ARL13B: variants seen among roughly 807,000 people sequenced by gnomAD.
ARL13B encodes ARF like GTPase 13B.
Under a neutral mutation model 56.1 loss-of-function variants are expected in ARL13B, and 36 were observed. That is an observed-to-expected ratio of 0.64 (90% CI 0.49 to 0.85). ARL13B has a LOEUF of 0.85. Ranked by LOEUF, ARL13B falls within the 40% of genes least tolerant of loss-of-function variation. ARL13B has a pLI of 0.00. For missense variants in ARL13B, 519 were observed against 507.1 expected (o/e 1.02, Z -0.23); for synonymous variants, 178 against 171.1 (o/e 1.04, Z -0.32).
intron 3 of ARL13B, chr3:94,014,484 G>T (rs1238300135): frequency 6.2e-7 from 1 of 1,609,828 alleles, no homozygotes; most frequent in Non-Finnish European, 8.5e-7. Context: ...CTTTAGTATT[G>T]TTAACATACT....
At chr3:94,011,239 A>G (rs1172702970) in intron 3 of ARL13B, among the ~76,000 whole-genome samples, 1 of 151,976 alleles carries the variant, frequency 6.6e-6, no homozygotes, top group Non-Finnish European at 1.5e-5. Context: ...TGGAAAAGCC[A>G]CTGTCTTGCT....
At chr3:94,015,090 AC>A in intron 3 of ARL13B, 1 of 1,613,800 alleles carries the variant, frequency 6.2e-7, no homozygotes, top group Non-Finnish European at 8.5e-7. Context: ...AATTGTTAAT[AC>A]TTTCCTGTAG....
In ARL13B at chr3:93,980,422, G is replaced by T. The variant is rs750161413; in HGVS notation, c.-2G>T. 8.1e-6 allele frequency: 13 copies of T among 1,612,272 alleles called. No homozygotes were observed. The Admixed American group carries it at 1.8e-4, about 23-fold the overall frequency. On this transcript the variant is annotated 5_prime_UTR_variant, in exon 1 of 10. Transcript: ENST00000394222. The stretch of plus-strand genomic sequence containing the variant: ...GGGAAGTGGTGGGAGGAGCGACCCG[G>T]GATGTTCAGTCTGATGGCCAGTTGC...
chr3:94,029,012 T>G (rs1228100913), intron 3 of ARL13B, among the ~76,000 whole-genome samples: 2 of 152,014 alleles, frequency 1.3e-5, no homozygotes, highest in Non-Finnish European at 2.9e-5. Context: ...CTCATGTCTG[T>G]AAACCATTCA....
chr3:94,025,382 G>C lies in ARL13B; in HGVS notation c.381-9949G>C, dbSNP rs1473598427. Among the ~76,000 whole-genome samples, 4 of 152,162 alleles carry C rather than the reference G, an allele frequency of 2.6e-5. No homozygotes were observed. The East Asian group carries it at 7.7e-4, about 29-fold the overall frequency. On this transcript the variant is annotated intron_variant, in intron 3 of 9. Coordinates refer to ENST00000394222, the MANE Select transcript of ARL13B (RefSeq NM_001174150.2). ...GCGTATTATGTAAACGATGTTTAAAGTGAGCTATAAAGGTTATACTGTGTT... is the reference window on the plus strand; with the variant it reads ...GCGTATTATGTAAACGATGTTTAAACTGAGCTATAAAGGTTATACTGTGTT...
At chr3:93,987,962 A>G (rs937157943) in intron 1 of ARL13B, among the ~76,000 whole-genome samples, 1 of 152,120 alleles carries the variant, frequency 6.6e-6, no homozygotes, top group Non-Finnish European at 1.5e-5. Flanking sequence ...TTAAATAGTT[A>G]TTATAGTGAC....
intron 4 of ARL13B, among the ~76,000 whole-genome samples, chr3:94,036,148 T>C (rs777587117): frequency 6.6e-6 from 1 of 152,208 alleles, no homozygotes; most frequent in African/African-American, 2.4e-5. Flanking sequence ...AACAGTGGAT[T>C]TAATAATTTA....
At chr3:93,999,846 T>G (rs546245767) in intron 2 of ARL13B, among the ~76,000 whole-genome samples, 101 of 152,336 alleles carry the variant, frequency 6.6e-4, no homozygotes, top group South Asian at 1.2e-3. Flanking sequence ...AGATGTTTCT[T>G]TCTTTCTCAT....
chr3:93,981,461 T>C (rs1222206226), intron 1 of ARL13B, among the ~76,000 whole-genome samples: 2 of 152,048 alleles, frequency 1.3e-5, no homozygotes, highest in Non-Finnish European at 2.9e-5. Context: ...CACTTACACA[T>C]TATAACAGAA....
Position 94,004,251 on chromosome 3 carries a change from G to T in ARL13B, c.380+343G>T, listed in dbSNP as rs1334933111. Among the ~76,000 whole-genome samples the T allele has an allele frequency of 2.6e-5, 4 of 151,942 alleles. No individual in the cohort carries two copies. In the South Asian group the frequency reaches 8.3e-4, roughly 32 times the overall value. On this transcript the variant is annotated intron_variant, in intron 3 of 9. Coordinates refer to ENST00000394222, the MANE Select transcript of ARL13B (RefSeq NM_001174150.2). ...TTAATTTTTTCTCTTTTAGTAACTT[G>T]TATTTTGCTTTTGTCCTTTTTTCCT... is the stretch of plus-strand genomic sequence containing the variant.
At position 94,013,616 on chromosome 3, in the gene ARL13B, G is replaced by C. The variant is rs549250398; in HGVS notation, c.380+9708G>C. 3.2e-4 allele frequency among the ~76,000 whole-genome samples: 48 copies of C among 152,274 alleles called. 1 individual carries two copies. Among genetic ancestry groups the C allele is most frequent in the African/African-American group, 1.2e-3 (48 of 41,546 alleles). Reference sequence around the variant, plus strand: ...TACATAGTTGAGTTTTCCCTGATCTGTTGACATTGAGTTAAGTTACCTTCT... The same window carrying C: ...TACATAGTTGAGTTTTCCCTGATCTCTTGACATTGAGTTAAGTTACCTTCT... On this transcript the variant is annotated intron_variant, in intron 3 of 9. Coordinates refer to ENST00000394222, the MANE Select transcript of ARL13B (RefSeq NM_001174150.2).
In ARL13B at chr3:93,980,180, A is replaced by G. The variant is rs1427013421; in HGVS notation, c.-244A>G. ...GCTTTTCTTTAGCCGGGTCCCGCTA[A>G]CTCGGCTACGGTGTATCTGCGTCTT... On this transcript the variant is annotated 5_prime_UTR_variant, in exon 1 of 10. Coordinates refer to ENST00000394222, the MANE Select transcript of ARL13B (RefSeq NM_001174150.2). 8 of 667,812 alleles carry G rather than the reference A, an allele frequency of 1.2e-5. No homozygotes were observed. Among genetic ancestry groups the G allele is most frequent in the Middle Eastern group, 3.9e-4 (1 of 2,584 alleles). The allele number at this position is 667,812 out of a possible 1,614,324, so 41.4% of individuals were successfully genotyped here.
intron 2 of ARL13B, among the ~76,000 whole-genome samples, chr3:93,998,445 T>G (rs775122551): frequency 1.3e-5 from 2 of 152,182 alleles, no homozygotes; most frequent in Non-Finnish European, 2.9e-5. Flanking sequence ...ATTCTCTTTT[T>G]GTCCTTCATC....
chr3:94,027,552 T>C (rs536222232), intron 3 of ARL13B, among the ~76,000 whole-genome samples: 2 of 152,208 alleles, frequency 1.3e-5, no homozygotes, highest in East Asian at 1.9e-4. Context: ...GTGAAGATAA[T>C]GTGTTCGAGG....
At chr3:94,043,314 A>T (rs2076897172) in intron 7 of ARL13B, 74 bp downstream of exon 7, 3 of 1,346,506 alleles carry the variant, frequency 2.2e-6, no homozygotes, top group Non-Finnish European at 3.1e-6. Context: ...CTCATTTTTT[A>T]TGTTTGTTTT....
intron 5 of ARL13B, among the ~76,000 whole-genome samples, chr3:94,039,639 G>A (rs1236279611): frequency 6.6e-6 from 1 of 151,950 alleles, no homozygotes; most frequent in Admixed American, 6.6e-5. Context: ...TTGATATTAA[G>A]AAGTCACTCA....
chr3:93,987,157 A>ATT (rs34681323), intron 1 of ARL13B, among the ~76,000 whole-genome samples: 49 of 146,898 alleles, frequency 3.3e-4, no homozygotes, highest in East Asian at 1.0e-3. Flanking sequence ...TATATTTCTG[A>ATT]TTTTTTTTTT....
At chr3:94,021,442 G>T (rs761274200) in intron 3 of ARL13B, among the ~76,000 whole-genome samples, 1 of 151,940 alleles carries the variant, frequency 6.6e-6, no homozygotes, top group African/African-American at 2.4e-5. Context: ...TGATCTGCCC[G>T]CCTCAGCCTC....
chr3:94,026,250 T>A (rs113601920), intron 3 of ARL13B, among the ~76,000 whole-genome samples: 6,074 of 152,288 alleles, frequency 0.04, 191 homozygotes, highest in Non-Finnish European at 0.066. Context: ...TTCGCTTTTT[T>A]ACTCTAAAAT....
Sources: allele counts gnomAD v4.1 joint callset (sites outside exome capture counted in the v4.1 genomes callset), GRCh38; gene constraint gnomAD v4.1.1; transcripts MANE v1.5; gene names NCBI Gene and HGNC (gene_info 2026-07-23, HGNC 2026-07-21).